Variants in CEP164 observed in about 807,000 individuals in gnomAD.
The protein encoded by CEP164 is centrosomal protein 164, also known as centrosomal protein of 164 kDa.
Under a neutral mutation model 182.7 loss-of-function variants are expected in CEP164, and 162 were observed. The observed-to-expected ratio is 0.89, with a 90% CI of 0.78 to 1.01. CEP164 has a LOEUF of 1.01. Ranked by LOEUF, CEP164 falls within the 50% of genes least tolerant of loss-of-function variation. The probability of loss-of-function intolerance (pLI) is 0.00; values close to 1 mark genes in which losing one functional copy is unlikely to be tolerated. For missense variants in CEP164, 1,735 were observed against 1,790.4 expected, an observed-to-expected ratio of 0.97 and a Z score of 0.56; for synonymous variants, 661 against 690.0, an observed-to-expected ratio of 0.96 and a Z score of 0.66.
At chr11:117,410,786 G>T in intron 30 of CEP164, 42 bp from the exon 31 acceptor site, 3 of 1,554,574 alleles carry the variant, frequency 1.9e-6, no homozygotes, top group South Asian at 2.3e-5. Flanking sequence ...GCAGGGTGGT[G>T]ACCACTGCCC....
At chr11:117,356,209 G>C (rs1350730119) in intron 5 of CEP164, 2 of 1,076,910 alleles carry the variant, frequency 1.9e-6, no homozygotes, top group Non-Finnish European at 2.3e-6. Context: ...ACGAGGAGCA[G>C]TCAGAAAGTG....
At position 117,381,617 on chromosome 11, in the gene CEP164, A is replaced by T. The variant is rs962323096; in HGVS notation, c.1410-84A>T. ...ATAACCCAGGAGGAGGCAATGACCTAGGTCCACACACTGTACTCCCCAGTT... is the reference window on the plus strand; with the variant it reads ...ATAACCCAGGAGGAGGCAATGACCTTGGTCCACACACTGTACTCCCCAGTT... On this transcript the variant is annotated intron_variant, in intron 12 of 32. Transcript: ENST00000278935. The T allele has an allele frequency of 2.6e-5, 37 of 1,442,030 alleles. No individual in the cohort carries two copies. The Admixed American group carries it at 8.5e-4, about 33-fold the overall frequency. The allele number at this position is 1,442,030 out of a possible 1,614,324, so 89.3% of individuals were successfully genotyped here.
chr11:117,395,811 G>A lies in CEP164; in HGVS notation c.3089+89G>A. 1.4e-6 allele frequency: 2 copies of A among 1,437,136 alleles called. 1 individual carries two copies. The highest frequency in any genetic ancestry group is 2.7e-5 in the South Asian group (2 of 73,064). 89.0% of individuals were successfully genotyped at this position (1,437,136 alleles called of 1,614,324 possible). A position where few individuals can be genotyped will look rare whatever the true frequency, so the allele number is the denominator to read the frequency against. ...GCTTGTGTCATGGCCCAGTTAATAG[G>A]GAGAGGTGGAGTCCCAGCTTGGGAG... On this transcript the variant is annotated intron_variant, in intron 24 of 32. Transcript: ENST00000278935.
chr11:117,338,052 A>C (rs1380510564), intron 2 of CEP164, among the ~76,000 whole-genome samples: 1 of 151,886 alleles, frequency 6.6e-6, no homozygotes, highest in East Asian at 1.9e-4. Flanking sequence ...TCAGAACAGG[A>C]AGTTTTTTTC....
Position 117,362,429 on chromosome 11 carries a change from CT to C in CEP164, c.580del (p.Tyr194IlefsTer21). 3 of 1,613,592 alleles carry C rather than the reference CT, an allele frequency of 1.9e-6. No homozygotes were observed. Among genetic ancestry groups the C allele is most frequent in the Non-Finnish European group, 2.5e-6 (3 of 1,179,792 alleles). Reference sequence around the variant, plus strand: ...CCTTCACAGGGTCTCAAGACCTCTGCTTATACAAAGGGTCTCTTGGGCTCCA... The same window carrying C: ...CCTTCACAGGGTCTCAAGACCTCTGCTATACAAAGGGTCTCTTGGGCTCCA... ...MLPSQGLKTS[A>X]YTKGLLGSIY... On this transcript the variant is annotated frameshift_variant, in exon 7 of 33. Transcript: ENST00000278935. LOFTEE classifies it high-confidence loss of function.
chr11:117,412,520 C>G lies in CEP164; in HGVS notation c.*352C>G, dbSNP rs1300927183. ...GAGTCCCTTTGGAGCTGGTTGTTTC[C>G]TTGGCCCTGCAGCGCACTGCTCGGG... On this transcript the variant is annotated 3_prime_UTR_variant, in exon 33 of 33. Coordinates refer to ENST00000278935, the MANE Select transcript of CEP164 (RefSeq NM_014956.5). The G allele has an allele frequency of 8.5e-6, 2 of 236,682 alleles. No individual in the cohort carries two copies. The highest frequency in any genetic ancestry group is 4.5e-5 in the African/African-American group (2 of 44,196). The allele number at this position is 236,682 out of a possible 1,614,324, so 14.7% of individuals were successfully genotyped here. A position where few individuals can be genotyped will look rare whatever the true frequency, so the allele number is the denominator to read the frequency against.
At chr11:117,389,061 T>C (rs1277400253) in intron 15 of CEP164, among the ~76,000 whole-genome samples, 2 of 152,144 alleles carry the variant, frequency 1.3e-5, no homozygotes, top group Non-Finnish European at 2.9e-5. Context: ...TGAGCCACTG[T>C]GCCCGGCCAA....
chr11:117,387,470 G>T, intron 15 of CEP164, 58 bp downstream of exon 15: 1 of 1,555,598 alleles, frequency 6.4e-7, no homozygotes. Context: ...TGAGGAGCCA[G>T]GGACACCCTC....
intron 3 of CEP164, among the ~76,000 whole-genome samples, chr11:117,340,048 T>G (rs1288250339): frequency 6.6e-6 from 1 of 151,346 alleles, no homozygotes; most frequent in Non-Finnish European, 1.5e-5. Context: ...TTTTTTGAGA[T>G]GGAGTTTCAC....
chr11:117,396,675 C>A, intron 26 of CEP164, 64 bp downstream of exon 26: 1 of 1,261,668 alleles, frequency 7.9e-7, no homozygotes, highest in Non-Finnish European at 1.2e-6. Context: ...TGAGTACCTG[C>A]ATCATAGAGC....
chr11:117,340,480 A>G (rs1485475114), intron 3 of CEP164, among the ~76,000 whole-genome samples: 1 of 152,226 alleles, frequency 6.6e-6, no homozygotes, highest in East Asian at 1.9e-4. Context: ...CTAGGAATAC[A>G]TGGATCTCAT....
rs532097038 is a variant in CEP164 at position 117,363,253 on chromosome 11, G to C, written c.688-176G>C. 2.0e-5 allele frequency among the ~76,000 whole-genome samples: 3 copies of C among 152,330 alleles called. No homozygotes were observed. In the South Asian group the frequency reaches 6.2e-4, roughly 32 times the overall value. On this transcript the variant is annotated intron_variant, in intron 7 of 32. Transcript: ENST00000278935. ...CTTGTTGCACAGCATAGTTTGCGCT[G>C]GATGGAGAGCCGTTTAGTGAGGCTG...
chr11:117,325,440 C>T (rs551055684), upstream of CEP164, among the ~76,000 whole-genome samples: 1 of 151,516 alleles, frequency 6.6e-6, no homozygotes, highest in African/African-American at 2.4e-5. Flanking sequence ...GGGTGGAGTG[C>T]AATGGCGAGA....
chr11:117,397,342 C>T (rs749233863), intron 27 of CEP164, 29 bp downstream of exon 27: 1 of 1,596,158 alleles, frequency 6.3e-7, no homozygotes. Context: ...GGCCTGCCAG[C>T]CCTGTGTGGG....
rs753126528 is a variant in CEP164, at chr11:117,344,295, GCGGCCA to G, written c.194+20_194+25del. Reference sequence around the variant, plus strand: ...AAACCATGGTAAGTCAGCAGGGGGTGCGGCCACTGACTTGGCCTAGCAGAGGCAGAG... The same window carrying G: ...AAACCATGGTAAGTCAGCAGGGGGTGCTGACTTGGCCTAGCAGAGGCAGAG... On this transcript the variant is annotated intron_variant, in intron 4 of 32. Coordinates refer to ENST00000278935, the MANE Select transcript of CEP164 (RefSeq NM_014956.5). 21 of 1,564,166 alleles carry G rather than the reference GCGGCCA, an allele frequency of 1.3e-5. No homozygotes were observed. In the East Asian group the frequency reaches 4.7e-4, roughly 35 times the overall value.
chr11:117,368,641 C>T (rs952934420), intron 8 of CEP164, among the ~76,000 whole-genome samples: 5 of 152,114 alleles, frequency 3.3e-5, no homozygotes, highest in Admixed American at 6.5e-5. Flanking sequence ...GTGGTTGGCC[C>T]GGCACCCTTT....
chr11:117,408,052 T>C lies in CEP164; in HGVS notation c.3609+20T>C. The C allele has an allele frequency of 6.6e-7, 1 of 1,520,394 alleles. No homozygotes were observed. Among genetic ancestry groups the C allele is most frequent in the Non-Finnish European group, 9.0e-7 (1 of 1,113,944 alleles). 94.2% of individuals were successfully genotyped at this position (1,520,394 alleles called of 1,614,324 possible). A position where few individuals can be genotyped will look rare whatever the true frequency, so the allele number is the denominator to read the frequency against. Reference sequence around the variant, plus strand: ...GAAGAGGTGCAGCCCCATGTCCACATAGTCCAGTGGGCCCTGGCCTTCCTC... The same window carrying C: ...GAAGAGGTGCAGCCCCATGTCCACACAGTCCAGTGGGCCCTGGCCTTCCTC... On this transcript the variant is annotated intron_variant, in intron 28 of 32. Transcript: ENST00000278935.
chr11:117,384,225 C>T (rs2043676315), intron 14 of CEP164, among the ~76,000 whole-genome samples: 1 of 152,212 alleles, frequency 6.6e-6, no homozygotes, highest in African/African-American at 2.4e-5. Context: ...ACACATTACT[C>T]ACAGCAAGTT....
At chr11:117,354,238 G>A (rs1405730647) in intron 5 of CEP164, among the ~76,000 whole-genome samples, 2 of 151,960 alleles carry the variant, frequency 1.3e-5, no homozygotes, top group Non-Finnish European at 2.9e-5. Context: ...GGCTGGTCTC[G>A]AACTCCTGAC....
Sources: allele counts gnomAD v4.1 joint callset (sites outside exome capture counted in the v4.1 genomes callset), GRCh38; gene constraint gnomAD v4.1.1; transcripts MANE v1.5; gene names NCBI Gene and HGNC (gene_info 2026-07-23, HGNC 2026-07-21).